Variants in CDH13 observed in about 807,000 individuals in gnomAD.
CDH13 encodes cadherin 13.
CDH13 carries 24 observed loss-of-function variants against 63.8 expected under a neutral mutation model. The observed-to-expected ratio is 0.38, with a 90% confidence interval of 0.27 to 0.53. CDH13 has a LOEUF of 0.53. Among genes scored for constraint, CDH13 ranks in the 20% least tolerant of loss-of-function variants. The pLI, the probability that CDH13 is intolerant of heterozygous loss-of-function variation, is 0.85. For synonymous variants in CDH13, 503 were observed against 355.3 expected (o/e 1.42, Z -4.67); for missense variants, 1,049 against 903.1 (o/e 1.16, Z -2.07).
chr16:83,501,591 A>G (rs751544318), intron 7 of CDH13, among the ~76,000 whole-genome samples: 2 of 152,224 alleles, frequency 1.3e-5, no homozygotes, highest in Non-Finnish European at 2.9e-5. Context: ...CATTAGGTCC[A>G]TAACACTCAC....
intron 8 of CDH13, among the ~76,000 whole-genome samples, chr16:83,602,805 C>T (rs1315299394): frequency 6.6e-6 from 1 of 152,214 alleles, no homozygotes; most frequent in Non-Finnish European, 1.5e-5. Flanking sequence ...ACGGTGAGAA[C>T]AAGAGCACTG....
intron 8 of CDH13, among the ~76,000 whole-genome samples, chr16:83,609,902 C>T (rs1908700517): frequency 6.6e-6 from 1 of 152,078 alleles, no homozygotes; most frequent in South Asian, 2.1e-4. Flanking sequence ...ACGCTGGCCA[C>T]CACTGATCTA....
At chr16:83,379,510 C>A (rs1477439317) in intron 6 of CDH13, among the ~76,000 whole-genome samples, 1 of 152,140 alleles carries the variant, frequency 6.6e-6, no homozygotes, top group African/African-American at 2.4e-5. Context: ...GGTTGATCAA[C>A]CAGTTATATA....
chr16:82,698,483 G>A (rs781456094), intron 1 of CDH13, among the ~76,000 whole-genome samples: 2 of 152,242 alleles, frequency 1.3e-5, no homozygotes, highest in Non-Finnish European at 2.9e-5. Context: ...TCAGCCATCA[G>A]TTAGGTGGCT....
chr16:83,695,756 G>A (rs1905313838), intron 10 of CDH13, among the ~76,000 whole-genome samples: 1 of 152,182 alleles, frequency 6.6e-6, no homozygotes, highest in East Asian at 1.9e-4. Flanking sequence ...ATCTGATAGA[G>A]CATTATCTCA....
At chr16:83,161,899 C>G (rs973338961) in intron 4 of CDH13, among the ~76,000 whole-genome samples, 6 of 152,144 alleles carry the variant, frequency 3.9e-5, no homozygotes, top group African/African-American at 1.4e-4. Context: ...AATGAGGTAG[C>G]CATCGATCCA....
In CDH13 at chr16:82,896,591, C is replaced by G. The variant is rs540461346; in HGVS notation, c.157+38118C>G. Among the ~76,000 whole-genome samples the G allele has an allele frequency of 3.6e-4, 54 of 151,724 alleles. 1 individual carries two copies. The highest frequency in any genetic ancestry group is 4.3e-4 in the Non-Finnish European group (29 of 67,932). On this transcript the variant is annotated intron_variant, in intron 2 of 13. Coordinates refer to ENST00000567109, the MANE Select transcript of CDH13 (RefSeq NM_001257.5). ...GATTACAGGTGTGAGCCAAGGTGCC[C>G]AGCTCCAGGACAGGATTAAAGTGTG... is the stretch of plus-strand genomic sequence containing the variant.
At chr16:82,721,683 G>A (rs1025726518) in intron 1 of CDH13, among the ~76,000 whole-genome samples, 2 of 152,080 alleles carry the variant, frequency 1.3e-5, no homozygotes, top group African/African-American at 4.8e-5. Flanking sequence ...GAGAACTTGT[G>A]CCAGGTCATT....
At chr16:83,250,279 C>T (rs1332939055) in intron 5 of CDH13, among the ~76,000 whole-genome samples, 1 of 152,126 alleles carries the variant, frequency 6.6e-6, no homozygotes, top group African/African-American at 2.4e-5. Flanking sequence ...CTTTTTCATT[C>T]ATTAATTTAA....
chr16:83,264,260 T>G (rs143131079), intron 5 of CDH13, among the ~76,000 whole-genome samples: 266 of 152,322 alleles, frequency 1.7e-3, no homozygotes, highest in African/African-American at 6.0e-3. Flanking sequence ...AGGTTGTCAT[T>G]TTAGCAGTCA....
chr16:83,337,150 T>A (rs985678812), intron 5 of CDH13, among the ~76,000 whole-genome samples: 1 of 152,214 alleles, frequency 6.6e-6, no homozygotes, highest in African/African-American at 2.4e-5. Flanking sequence ...CCTATTAGTG[T>A]GGTGAATTAA....
rs143088780 is a variant in CDH13 at position 82,814,484 on chromosome 16, C to A, written c.46-43878C>A. On this transcript the variant is annotated intron_variant, in intron 1 of 13. Transcript: ENST00000567109. ...ACTCAATCGTGCCTATGTAACAAAG[C>A]CTCCATGATAACCCCAAAGGACAGG... 7.9e-5 allele frequency among the ~76,000 whole-genome samples: 12 copies of A among 152,208 alleles called. 1 individual carries two copies. The highest frequency in any genetic ancestry group is 3.4e-3 in the Middle Eastern group (1 of 294).
intron 1 of CDH13, among the ~76,000 whole-genome samples, chr16:82,856,025 C>T (rs902330238): frequency 6.6e-6 from 1 of 152,096 alleles, no homozygotes; most frequent in Non-Finnish European, 1.5e-5. Flanking sequence ...AAGAAACACA[C>T]AGAGTCGAGG....
intron 1 of CDH13, among the ~76,000 whole-genome samples, chr16:82,805,786 G>T (rs748716180): frequency 2.6e-5 from 4 of 152,316 alleles, no homozygotes; most frequent in Admixed American, 2.0e-4. Context: ...TTGCCAGTCT[G>T]TTGTGGGTGT....
At chr16:83,191,824 C>T (rs2038725045) in intron 4 of CDH13, among the ~76,000 whole-genome samples, 1 of 151,876 alleles carries the variant, frequency 6.6e-6, no homozygotes, top group Non-Finnish European at 1.5e-5. Flanking sequence ...AGATGATGCC[C>T]ACCCAGATTA....
intron 2 of CDH13, among the ~76,000 whole-genome samples, chr16:82,984,340 G>A (rs1033869779): frequency 5.9e-5 from 9 of 152,196 alleles, no homozygotes; most frequent in Admixed American, 5.9e-4. Flanking sequence ...GCTATCAGAA[G>A]TTGAATTGCT....
At chr16:83,373,552 C>A (rs143073522) in intron 6 of CDH13, among the ~76,000 whole-genome samples, 16 of 152,104 alleles carry the variant, frequency 1.1e-4, no homozygotes, top group African/African-American at 3.9e-4. Context: ...ATGGGGATGG[C>A]AGGGAGTAGA....
chr16:83,181,378 C>T (rs564077676), intron 4 of CDH13, among the ~76,000 whole-genome samples: 1 of 152,284 alleles, frequency 6.6e-6, no homozygotes, highest in South Asian at 2.1e-4. Flanking sequence ...TGCTAACAAG[C>T]TGTGGGTGGC....
chr16:82,956,173 C>G (rs1380091818), intron 2 of CDH13, among the ~76,000 whole-genome samples: 1 of 152,042 alleles, frequency 6.6e-6, no homozygotes, highest in Admixed American at 6.5e-5. Context: ...AAACCACAAA[C>G]ATGGGCATGA....
Sources: gnomAD v4.1 joint callset for allele counts (sites outside exome capture counted in the v4.1 genomes callset) on GRCh38, gnomAD v4.1.1 for gene constraint, MANE v1.5 for transcripts, NCBI Gene and HGNC (gene_info 2026-07-23, HGNC 2026-07-21) for gene names.